The following RHBDF2 variants were observed in gnomAD, a reference collection of about 807,000 sequenced individuals.
RHBDF2 encodes rhomboid 5 homolog 2.
A neutral mutation model predicts 95.2 loss-of-function variants in RHBDF2; 38 were observed. The observed-to-expected ratio is 0.40, with a 90% CI of 0.31 to 0.52. The LOEUF (loss-of-function observed/expected upper bound fraction) is 0.52, where lower values mean the gene tolerates loss of function less well. Among genes scored for constraint, RHBDF2 ranks in the 20% least tolerant of loss-of-function variants. RHBDF2 has a pLI of 0.56. For synonymous variants in RHBDF2, 442 were observed against 462.0 expected, an observed-to-expected ratio of 0.96 and a Z score of 0.55; for missense variants, 863 against 1,137.7, an observed-to-expected ratio of 0.76 and a Z score of 3.47.
At chr17:76,479,890 G>T in intron 3 of RHBDF2, 36 bp from the exon 4 acceptor site, 1 of 1,609,770 alleles carries the variant, frequency 6.2e-7, no homozygotes, top group South Asian at 1.1e-5. Flanking sequence ...GCGGTGGTGT[G>T]TGCAGCCCAG....
chr17:76,495,735 G>A (rs967210504), intron 1 of RHBDF2, among the ~76,000 whole-genome samples: 7 of 152,214 alleles, frequency 4.6e-5, no homozygotes, highest in Non-Finnish European at 8.8e-5. Flanking sequence ...CGCTTCTGGA[G>A]GCCCAGTTCT....
Position 76,481,455 on chromosome 17 carries a change from G to A in RHBDF2, c.70C>T (p.Pro24Ser), listed in dbSNP as rs1567881128. 6.2e-7 allele frequency: 1 copy of A among 1,612,628 alleles called. No homozygotes were observed. Among genetic ancestry groups the A allele is most frequent in the Admixed American group, 1.7e-5 (1 of 60,026 alleles). Residue 24 changes from proline (P) to serine (S), a missense_variant, in exon 3 of 19, where the codon CCA becomes TCA. Pro to Ser is a moderately conservative substitution (Grantham distance 74). Around this residue, in one of 2 missense-constraint regions of RHBDF2, gnomAD observed 611 missense variants for 725.5 expected, o/e 0.84. Coordinates refer to ENST00000675367, the MANE Select transcript of RHBDF2 (RefSeq NM_001005498.4). ...VSSSRLQSRK[P>S]PNLSITIPPP... ...GGGATGGTGATGGAGAGGTTGGGTG[G>A]CTTCCGGCTCTGCAGGCGGCTGCTG... is the stretch of plus-strand genomic sequence containing the variant.
At chr17:76,477,584 C>A in intron 7 of RHBDF2, 73 bp downstream of exon 7, 1 of 1,520,338 alleles carries the variant, frequency 6.6e-7, no homozygotes, top group South Asian at 1.2e-5. Flanking sequence ...TGAATATGAT[C>A]AATGCCAAGG....
Position 76,479,072 on chromosome 17 carries a change from T to C in RHBDF2, c.468+10A>G, listed in dbSNP as rs776046316. 2 of 1,613,278 alleles carry C rather than the reference T, an allele frequency of 1.2e-6. No homozygotes were observed. The highest frequency in any genetic ancestry group is 2.7e-5 in the African/African-American group (2 of 74,920). On this transcript the variant is annotated intron_variant, in intron 5 of 18. Transcript: ENST00000675367. ...TCCCCACCCCTGCCTCCTTTCCCCA[T>C]GGATCCCACCTTGGGCATCTTGCAG...
At position 76,479,753 on chromosome 17, in the gene RHBDF2, T is replaced by C. The variant is rs1226829881; in HGVS notation, c.252A>G (p.Ser84=). ...CTCACTTGCGGATGCTCTGGGACAG[T>C]GAGGCCTGGCGGCGGAAGCCAGGGC... ...EKRPGFRRQA[S]LSQSIRKGAA... is the part of the protein sequence containing the mutation. The change falls in exon 4 of 19, where the codon TCA becomes TCG. Residue 84 remains serine (S), a synonymous_variant. Coordinates refer to ENST00000675367, the MANE Select transcript of RHBDF2 (RefSeq NM_001005498.4). 5.6e-6 allele frequency: 9 copies of C among 1,610,954 alleles called. No homozygotes were observed. The highest frequency in any genetic ancestry group is 2.2e-5 in the East Asian group (1 of 44,858).
chr17:76,486,111 CACACAT>C (rs779156784), intron 2 of RHBDF2, among the ~76,000 whole-genome samples: 22 of 130,320 alleles, frequency 1.7e-4, no homozygotes, highest in Non-Finnish European at 2.4e-4. Flanking sequence ...CACACACACA[CACACAT>C]ATAGTTTTTG....
chr17:76,498,835 T>A (rs910246734), intron 1 of RHBDF2, among the ~76,000 whole-genome samples: 168 of 124,374 alleles, frequency 1.4e-3, no homozygotes, highest in South Asian at 0.011. Context: ...AGTCTGTGTG[T>A]GTCTGTGTGT....
rs1205278058 is a variant in RHBDF2, at chr17:76,474,495, T to C, written c.1342A>G (p.Ile448Val). The C allele has an allele frequency of 6.2e-7, 1 of 1,614,146 alleles. No individual in the cohort carries two copies. The highest frequency in any genetic ancestry group is 1.7e-5 in the Admixed American group (1 of 60,022). Residue 448 changes from isoleucine (I) to valine (V), a missense_variant, in exon 12 of 19, where the codon ATC (isoleucine) becomes GTC (valine). By Grantham distance (29) the Ile-to-Val change is conservative (BLOSUM62 3). Transcript: ENST00000675367. Reference protein sequence around the residue: ...IHLGAKFSPCIRKDGQIEQLV... With the variant: ...IHLGAKFSPCVRKDGQIEQLV... ...TGCTCGATCTGCCCGTCCTTCCGGA[T>C]GCAGGGTGAGAACTTGGCCCCCAGG...
In RHBDF2 at chr17:76,478,933, G is replaced by A. The variant is rs1276986068; in HGVS notation, c.545C>T (p.Pro182Leu). Residue 182 changes from proline to leucine, a missense_variant, in exon 6 of 19, where the codon CCG (proline) becomes CTG (leucine). This residue lies in a region of RHBDF2 where 611 missense variants were observed against 725.5 expected (regional missense o/e 0.84). Transcript: ENST00000675367. ...GAGGGACAGGACTCCGGGGGTCAGC[G>A]GTGGGTGCGGGGCGTGGGGCCTGTC... ...EMDRPHAPHPPLTPGVLSLTS... is the reference protein window; with the variant it reads ...EMDRPHAPHPLLTPGVLSLTS... The A allele has an allele frequency of 6.9e-6, 11 of 1,604,450 alleles. No homozygotes were observed. Among genetic ancestry groups the A allele is most frequent in the Non-Finnish European group, 9.4e-6 (11 of 1,174,884 alleles).
Position 76,479,086 on chromosome 17 carries a change from G to A in RHBDF2, c.464C>T (p.Pro155Leu). ...TCCTTTCCCCATGGATCCCACCTTG[G>A]GCATCTTGCAGGGCTTTGGGGACTC... The part of the protein sequence containing the change: ...GTESPKPCKM[P>L]KIVDPLARGR... The change falls in exon 5 of 19, where the codon CCC (proline) becomes CTC (leucine). Residue 155 changes from proline (P) to leucine (L), a missense_variant. This residue lies in a region of RHBDF2 where 611 missense variants were observed against 725.5 expected (regional missense o/e 0.84). Transcript: ENST00000675367. 6.2e-7 allele frequency: 1 copy of A among 1,613,566 alleles called. No homozygotes were observed. The highest frequency in any genetic ancestry group is 1.1e-5 in the South Asian group (1 of 91,084).
rs745384258 is a variant in RHBDF2 at position 76,481,390 on chromosome 17, G to C, written c.135C>G (p.Asp45Glu). 1 of 1,612,228 alleles carries C rather than the reference G, an allele frequency of 6.2e-7. No individual in the cohort carries two copies. The highest frequency in any genetic ancestry group is 8.5e-7 in the Non-Finnish European group (1 of 1,179,978). The change falls in exon 3 of 19, where the codon GAC (aspartate) becomes GAG (glutamate). Residue 45 changes from aspartate to glutamate, a missense_variant. By Grantham distance (45) the Asp-to-Glu change is conservative. Around this residue, in one of 2 missense-constraint regions of RHBDF2, gnomAD observed 611 missense variants for 725.5 expected, o/e 0.84. Transcript: ENST00000675367. ...EKETQAPGEQ[D>E]SMLPERKNPA... The stretch of plus-strand genomic sequence containing the variant: ...GCCCCCTTACCTCAGGCAGCATGCT[G>C]TCCTGCTCGCCAGGGGCCTGGGTCT...
Position 76,474,357 on chromosome 17 carries a change from G to C in RHBDF2, c.1464+16C>G. The C allele has an allele frequency of 6.2e-7, 1 of 1,607,902 alleles. No individual in the cohort carries two copies. The highest frequency in any genetic ancestry group is 2.2e-5 in the East Asian group (1 of 44,730). On this transcript the variant is annotated intron_variant, in intron 12 of 18. Coordinates refer to ENST00000675367, the MANE Select transcript of RHBDF2 (RefSeq NM_001005498.4). ...ACCAGGGTCTGGCAGGGGTAGGAGG[G>C]AGGGCCTGCCCCCACCGAGCAGTCC... is the stretch of plus-strand genomic sequence containing the variant.
At chr17:76,474,244 C>T in intron 12 of RHBDF2, 102 bp from the exon 13 acceptor site, 3 of 1,343,860 alleles carry the variant, frequency 2.2e-6, no homozygotes, top group Non-Finnish European at 3.1e-6. Flanking sequence ...GGCTCAGTCT[C>T]ATCTATGGGG....
At chr17:76,486,444 G>A (rs1036172384) in intron 2 of RHBDF2, among the ~76,000 whole-genome samples, 1 of 152,140 alleles carries the variant, frequency 6.6e-6, no homozygotes, top group Non-Finnish European at 1.5e-5. Flanking sequence ...TGGGAGCGGT[G>A]GTTCATGCCT....
At chr17:76,477,323 A>G (rs897125222) in intron 7 of RHBDF2, 25 bp from the exon 8 acceptor site, 1 of 1,607,330 alleles carries the variant, frequency 6.2e-7, no homozygotes, top group Non-Finnish European at 8.5e-7. Context: ...AAGAAAATAC[A>G]GTGTAAGGAG....
chr17:76,480,606 G>A (rs1457580612), intron 3 of RHBDF2, among the ~76,000 whole-genome samples: 2 of 151,640 alleles, frequency 1.3e-5, no homozygotes, highest in Non-Finnish European at 1.5e-5. Context: ...GTCTGGTCTC[G>A]AACTCCTGGG....
intron 1 of RHBDF2, among the ~76,000 whole-genome samples, chr17:76,491,713 A>T (rs972404880): frequency 6.6e-6 from 1 of 152,144 alleles, no homozygotes; most frequent in Admixed American, 6.5e-5. Flanking sequence ...CACCATTGAG[A>T]TCAACTGCCT....
Position 76,474,384 on chromosome 17 carries a change from T to C in RHBDF2, c.1453A>G (p.Lys485Glu), listed in dbSNP as rs2073696363. The change falls in exon 12 of 19, where the codon AAG becomes GAG. Residue 485 changes from lysine to glutamate, a missense_variant. Physicochemically the swap from Lys to Glu is moderately conservative, Grantham distance 56 (BLOSUM62 1). Around this residue, in one of 2 missense-constraint regions of RHBDF2, gnomAD observed 611 missense variants for 725.5 expected, o/e 0.84. Transcript: ENST00000675367. ...DHSGCIQTQR[K>E]DCSETLATFV... Reference sequence around the variant, plus strand: ...GGGCCTGCCCCCACCGAGCAGTCCTTCCGCTGGGTCTGGATGCATCCGGAG... The same window carrying C: ...GGGCCTGCCCCCACCGAGCAGTCCTCCCGCTGGGTCTGGATGCATCCGGAG... 1 of 1,612,912 alleles carries C rather than the reference T, an allele frequency of 6.2e-7. No individual in the cohort carries two copies. The highest frequency in any genetic ancestry group is 1.7e-5 in the Admixed American group (1 of 59,980).
chr17:76,478,644 G>A (rs887038717), intron 6 of RHBDF2, among the ~76,000 whole-genome samples, 162 bp downstream of exon 6: 21 of 152,142 alleles, frequency 1.4e-4, no homozygotes, highest in Admixed American at 2.6e-4. Context: ...GCTGGGCTTC[G>A]GGGTCCCTCT....
Sources: gnomAD v4.1 joint callset for allele counts (sites outside exome capture counted in the v4.1 genomes callset) on GRCh38, gnomAD v4.1.1 for gene constraint, gnomAD v4.1.1 regional missense constraint, MANE v1.5 for transcripts, NCBI Gene and HGNC (gene_info 2026-07-23, HGNC 2026-07-21) for gene names.